STIM1: variants seen among roughly 807,000 people sequenced by gnomAD.
STIM1 encodes the protein stromal interaction molecule 1.
In STIM1, 25 loss-of-function variants were observed where a neutral mutation model predicts 74.7. The observed-to-expected ratio is 0.33, with a 90% confidence interval of 0.24 to 0.47. The LOEUF is 0.47. Among genes scored for constraint, STIM1 ranks in the 20% least tolerant of loss-of-function variants. The probability of loss-of-function intolerance (pLI) is 1.00; values close to 1 mark genes in which losing one functional copy is unlikely to be tolerated. For synonymous variants in STIM1, 328 were observed against 348.8 expected (o/e 0.94, Z 0.66); for missense variants, 728 against 920.8 (o/e 0.79, Z 2.71).
chr11:3,869,923 GAA>G (rs1269923670), intron 1 of STIM1, among the ~76,000 whole-genome samples: 2 of 152,154 alleles, frequency 1.3e-5, no homozygotes, highest in Non-Finnish European at 2.9e-5. Context: ...AGGAAAGAAA[GAA>G]AAGAGTCAAA....
chr11:3,998,468 A>G (rs1361625990), intron 2 of STIM1, among the ~76,000 whole-genome samples: 4 of 152,182 alleles, frequency 2.6e-5, no homozygotes, highest in African/African-American at 4.8e-5. Flanking sequence ...TCTCTGCTAC[A>G]TGTTATAGGA....
At chr11:4,084,859 C>T (rs2094484017) in intron 11 of STIM1, 94 bp downstream of exon 11, 13 of 999,814 alleles carry the variant, frequency 1.3e-5, no homozygotes, top group Non-Finnish European at 1.6e-5. Flanking sequence ...GCCTGCTTCA[C>T]GCCCCTGCCT....
chr11:3,957,222 A>C (rs1054173318), intron 1 of STIM1, among the ~76,000 whole-genome samples: 1 of 152,142 alleles, frequency 6.6e-6, no homozygotes, highest in African/African-American at 2.4e-5. Context: ...GCATTGCTCA[A>C]CATGGACCTG....
chr11:3,871,156 G>A (rs1287342916), intron 1 of STIM1, among the ~76,000 whole-genome samples: 2 of 152,004 alleles, frequency 1.3e-5, no homozygotes, highest in African/African-American at 2.4e-5. Context: ...CGTGAGCCAC[G>A]ACGCCCGGCC....
intron 1 of STIM1, among the ~76,000 whole-genome samples, chr11:3,859,273 A>AT (rs1473175923): frequency 8.5e-5 from 13 of 152,212 alleles, no homozygotes; most frequent in Admixed American, 2.0e-4. Context: ...CTCTACAAGG[A>AT]GGATCTCTCA....
chr11:4,001,345 G>T (rs1302801176), intron 2 of STIM1, among the ~76,000 whole-genome samples: 1 of 151,780 alleles, frequency 6.6e-6, no homozygotes, highest in Non-Finnish European at 1.5e-5. Context: ...AGAAAGGTCG[G>T]GTTACCTTCA....
chr11:3,955,294 G>A (rs1181923465), intron 1 of STIM1, among the ~76,000 whole-genome samples: 1 of 152,108 alleles, frequency 6.6e-6, no homozygotes, highest in African/African-American at 2.4e-5. Flanking sequence ...TCTTGATTGG[G>A]GTGGTGGTTA....
At chr11:3,904,196 C>CAAAAAAAAAAAAAAAACAAAAAAAAA (rs2092418897) in intron 1 of STIM1, among the ~76,000 whole-genome samples, 1 of 73,876 alleles carries the variant, frequency 1.4e-5, no homozygotes, top group Non-Finnish European at 2.4e-5. Flanking sequence ...GACTCTGTCT[C>CAAAAAAAAAAAAAAAACAAAAAAAAA]AAAAAAAAAA....
intron 2 of STIM1, among the ~76,000 whole-genome samples, chr11:4,011,997 T>G (rs2093841746): frequency 6.6e-6 from 1 of 152,234 alleles, no homozygotes; most frequent in Non-Finnish European, 1.5e-5. Context: ...TCTCCATTGC[T>G]TGTTTTTGAC....
chr11:4,045,635 T>C (rs753215590), intron 3 of STIM1, among the ~76,000 whole-genome samples: 8 of 151,812 alleles, frequency 5.3e-5, no homozygotes, highest in Non-Finnish European at 1.0e-4. Flanking sequence ...TATTTTTTTG[T>C]AGAGATGGGT....
intron 1 of STIM1, among the ~76,000 whole-genome samples, chr11:3,945,347 C>T (rs964359380): frequency 8.6e-5 from 13 of 151,724 alleles, no homozygotes; most frequent in Admixed American, 2.0e-4. Context: ...GAGGCTGAGG[C>T]GGGTGGATCA....
chr11:3,956,183 A>G (rs1479464050), intron 1 of STIM1, among the ~76,000 whole-genome samples: 1 of 152,204 alleles, frequency 6.6e-6, no homozygotes, highest in Non-Finnish European at 1.5e-5. Context: ...TAGGTTGGAT[A>G]TTCAGCTAGT....
chr11:3,926,890 T>G (rs2092795834), intron 1 of STIM1, among the ~76,000 whole-genome samples: 1 of 152,218 alleles, frequency 6.6e-6, no homozygotes, highest in Non-Finnish European at 1.5e-5. Context: ...TGACAGATGC[T>G]TAAGTATGGA....
chr11:3,969,343 T>C (rs1390490439), intron 2 of STIM1, among the ~76,000 whole-genome samples: 1 of 149,010 alleles, frequency 6.7e-6, no homozygotes, highest in Non-Finnish European at 1.5e-5. Flanking sequence ...ATTGGCTGGG[T>C]GTGGTGGCAT....
At chr11:3,930,758 T>C (rs2092849645) in intron 1 of STIM1, among the ~76,000 whole-genome samples, 2 of 152,258 alleles carry the variant, frequency 1.3e-5, no homozygotes. Flanking sequence ...TCTGCTGTCA[T>C]CTTCCATGCA....
At chr11:3,937,310 A>ATAT (rs1400038221) in intron 1 of STIM1, among the ~76,000 whole-genome samples, 1 of 148,354 alleles carries the variant, frequency 6.7e-6, no homozygotes, top group Non-Finnish European at 1.5e-5. Flanking sequence ...AATAATAATA[A>ATAT]TAATAATAAA....
At chr11:3,867,537 T>C (rs2090905457) in intron 1 of STIM1, among the ~76,000 whole-genome samples, 2 of 152,232 alleles carry the variant, frequency 1.3e-5, no homozygotes, top group Admixed American at 1.3e-4. Flanking sequence ...CTTTCATGGT[T>C]CCCACTCCTG....
At position 4,030,785 on chromosome 11, in the gene STIM1, TAATA is replaced by T. The variant is rs374250691; in HGVS notation, c.385+6804_385+6807del. Among the ~76,000 whole-genome samples the T allele has an allele frequency of 4.2e-3, 639 of 152,338 alleles. 2 individuals carry two copies. The highest frequency in any genetic ancestry group is 0.014 in the African/African-American group (578 of 41,574). On this transcript the variant is annotated intron_variant, in intron 3 of 12. Transcript: ENST00000526596. ...AAAAAGTTTTACTTGTATTCCCATT[TAATA>T]AATAAGAAAACTGAGTATCTCTCAC...
rs570906860 is a variant in STIM1 at position 4,066,331 on chromosome 11, T to A, written c.614-3695T>A. On this transcript the variant is annotated intron_variant, in intron 5 of 12. Coordinates refer to ENST00000526596, the MANE Select transcript of STIM1 (RefSeq NM_001382567.1). ...GCGATGCAGCTGGCCATGCTCTTTT[T>A]GTCTCCAGGAGCTGGCATTTGCCCT... Among the ~76,000 whole-genome samples, 31 of 152,326 alleles carry A rather than the reference T, an allele frequency of 2.0e-4. No individual in the cohort carries two copies. The South Asian group carries it at 6.4e-3, about 32-fold the overall frequency.
Sources: gnomAD v4.1 joint callset for allele counts (sites outside exome capture counted in the v4.1 genomes callset) on GRCh38, gnomAD v4.1.1 for gene constraint, MANE v1.5 for transcripts, NCBI Gene and HGNC (gene_info 2026-07-23, HGNC 2026-07-21) for gene names.